The following WNT3 variants were observed in gnomAD, a reference collection of about 807,000 sequenced individuals.
The protein encoded by WNT3 is proto-oncogene Wnt-3.
A neutral mutation model predicts 34.2 loss-of-function variants in WNT3; 7 were observed. That is an observed-to-expected ratio of 0.20 (90% CI 0.12 to 0.38). The LOEUF (loss-of-function observed/expected upper bound fraction) is 0.38. Among genes scored for constraint, WNT3 ranks in the 10% least tolerant of loss-of-function variants. WNT3 has a pLI of 1.00. For missense variants in WNT3, 267 were observed against 499.8 expected (o/e 0.53, Z 4.44); for synonymous variants, 212 against 211.5 (o/e 1.00, Z -0.02).
intron 1 of WNT3, among the ~76,000 whole-genome samples, chr17:46,790,044 G>A (rs570214281): frequency 2.0e-4 from 30 of 152,204 alleles, no homozygotes; most frequent in Non-Finnish European, 3.7e-4. Context: ...CCCCACCCAA[G>A]TTCAAAGCGC....
intron 1 of WNT3, among the ~76,000 whole-genome samples, chr17:46,791,683 T>C (rs1014301654): frequency 1.3e-5 from 2 of 152,210 alleles, no homozygotes; most frequent in African/African-American, 4.8e-5. Context: ...TGCATTCTAC[T>C]TACATTCATC....
intron 1 of WNT3, among the ~76,000 whole-genome samples, chr17:46,814,397 A>T (rs1024932890): frequency 4.4e-4 from 67 of 152,280 alleles, no homozygotes; most frequent in African/African-American, 1.6e-3. Flanking sequence ...CAGATCGGCC[A>T]CCAATTTTGC....
At chr17:46,771,469 G>C (rs1372610037) in intron 2 of WNT3, among the ~76,000 whole-genome samples, 2 of 149,866 alleles carry the variant, frequency 1.3e-5, no homozygotes, top group African/African-American at 4.9e-5. Flanking sequence ...CCCGGGCCGC[G>C]CTGGGTTCCC....
chr17:46,785,724 C>T (rs924032498), intron 1 of WNT3, among the ~76,000 whole-genome samples: 6 of 152,172 alleles, frequency 3.9e-5, no homozygotes, highest in East Asian at 1.9e-4. Context: ...GGAAAGGGTG[C>T]GGGCAGGAGC....
rs1034333424 is a variant in WNT3 at position 46,768,084 on chromosome 17, G to A, written c.*8+228C>T. Among the ~76,000 whole-genome samples, 8 of 152,162 alleles carry A rather than the reference G, an allele frequency of 5.3e-5. No individual in the cohort carries two copies. The highest frequency in any genetic ancestry group is 3.9e-4 in the Admixed American group (6 of 15,284). On this transcript the variant is annotated intron_variant, in intron 4 of 4. Coordinates refer to ENST00000225512, the MANE Select transcript of WNT3 (RefSeq NM_030753.5). This position sits in a 1 kb window ranked among gnomAD's most constrained non-coding sequence, Gnocchi z 5.0. ...ATTACAGGCGTGAGCCACCGCACCC[G>A]GCCAACACTGGGTTTTTATCTGTGC...
rs2059316073 is a variant in WNT3, at chr17:46,766,666, C to T, written c.*8+1646G>A. On this transcript the variant is annotated intron_variant, in intron 4 of 4. Transcript: ENST00000225512. ...TAGATGGGCTGAGTGAGTCGCCCCTCAGCCAGAGCTCTTCTCCATGACGTC... is the reference window on the plus strand; with the variant it reads ...TAGATGGGCTGAGTGAGTCGCCCCTTAGCCAGAGCTCTTCTCCATGACGTC... 2.0e-5 allele frequency among the ~76,000 whole-genome samples: 3 copies of T among 152,190 alleles called. No homozygotes were observed. In the South Asian group the frequency reaches 6.2e-4, roughly 32 times the overall value.
rs183371271 is a variant in WNT3 at position 46,805,607 on chromosome 17, A to G, written c.80+12911T>C. Among the ~76,000 whole-genome samples, 31 of 152,298 alleles carry G rather than the reference A, an allele frequency of 2.0e-4. No homozygotes were observed. In the East Asian group the frequency reaches 5.6e-3, roughly 27 times the overall value. ...AATAAAAATAAAAATTAAAAAAATT[A>G]GCCACATATGGTGCTTGCCTGTAGT... On this transcript the variant is annotated intron_variant, in intron 1 of 4. Transcript: ENST00000225512.
chr17:46,781,412 CAAA>C (rs58042041), intron 1 of WNT3, among the ~76,000 whole-genome samples: 1 of 111,868 alleles, frequency 8.9e-6, no homozygotes, highest in African/African-American at 3.4e-5. Context: ...GACTCTGTCT[CAAA>C]AAAAAAAAAA....
chr17:46,800,814 A>C (rs1402529538), intron 1 of WNT3, among the ~76,000 whole-genome samples: 2 of 152,198 alleles, frequency 1.3e-5, no homozygotes, highest in African/African-American at 4.8e-5. Context: ...TCCATGAAAT[A>C]GATGTGCTCA....
At chr17:46,767,775 T>G (rs911249442) in intron 4 of WNT3, among the ~76,000 whole-genome samples, 10 of 151,818 alleles carry the variant, frequency 6.6e-5, no homozygotes, top group Admixed American at 5.2e-4. Context: ...TGAATTTTGT[T>G]TTTTTTTGTT....
intron 1 of WNT3, among the ~76,000 whole-genome samples, chr17:46,801,895 C>T (rs1272923652): frequency 3.3e-5 from 5 of 152,116 alleles, no homozygotes; most frequent in Non-Finnish European, 7.4e-5. Context: ...ACTGTTTCCC[C>T]GCCAAGCCCT....
intron 1 of WNT3, 124 bp downstream of exon 1, chr17:46,818,394 G>A: frequency 1.1e-6 from 1 of 924,396 alleles, no homozygotes. Context: ...GGGCGGGTGG[G>A]GGGCTGGAGG....
chr17:46,769,434 G>A (rs762718023), intron 3 of WNT3, among the ~76,000 whole-genome samples: 7 of 152,180 alleles, frequency 4.6e-5, no homozygotes, highest in Non-Finnish European at 7.3e-5. Flanking sequence ...TACAAGCATA[G>A]TAAGGGAGTG....
intron 4 of WNT3, among the ~76,000 whole-genome samples, chr17:46,767,303 C>T (rs148117321): frequency 1.8e-3 from 276 of 152,306 alleles, no homozygotes; most frequent in Non-Finnish European, 3.3e-3. Flanking sequence ...CTCCTGCTCC[C>T]CGTCATCATC....
intron 2 of WNT3, among the ~76,000 whole-genome samples, chr17:46,770,650 T>G (rs1013985941): frequency 6.6e-6 from 1 of 152,110 alleles, no homozygotes; most frequent in Admixed American, 6.5e-5. Flanking sequence ...CAGTGGCCCG[T>G]GCCTCAGTCT....
At chr17:46,771,830 G>T (rs548344627) in intron 2 of WNT3, among the ~76,000 whole-genome samples, 17 of 141,770 alleles carry the variant, frequency 1.2e-4, no homozygotes, top group Admixed American at 3.5e-4. Context: ...GCCGCGCGGT[G>T]GGGGGGCGGT....
chr17:46,792,088 G>A lies in WNT3; in HGVS notation c.81-18179C>T, dbSNP rs548542099. Among the ~76,000 whole-genome samples the A allele has an allele frequency of 6.7e-4, 102 of 152,308 alleles. No homozygotes were observed. The South Asian group carries it at 0.013, about 20-fold the overall frequency. The stretch of plus-strand genomic sequence containing the variant: ...TCTCTCTTACACATACATAGAAATA[G>A]CGAACATTTAAAGTCAAAAAATTCT... On this transcript the variant is annotated intron_variant, in intron 1 of 4. Transcript: ENST00000225512.
chr17:46,815,130 G>A (rs1477923953), intron 1 of WNT3, among the ~76,000 whole-genome samples: 1 of 152,130 alleles, frequency 6.6e-6, no homozygotes, highest in Non-Finnish European at 1.5e-5. Flanking sequence ...GAATGTAGCA[G>A]GTGCTGGGCT....
chr17:46,770,936 C>T (rs1232191919), intron 2 of WNT3, among the ~76,000 whole-genome samples: 1 of 152,260 alleles, frequency 6.6e-6, no homozygotes, highest in East Asian at 1.9e-4. Flanking sequence ...CTCCTCATGG[C>T]AGGACCCGGG....
Sources: allele counts gnomAD v4.1 joint callset (sites outside exome capture counted in the v4.1 genomes callset), GRCh38; gene constraint gnomAD v4.1.1; non-coding constraint Gnocchi (gnomAD v3.1); transcripts MANE v1.5; gene names NCBI Gene and HGNC (gene_info 2026-07-23, HGNC 2026-07-21).